Variants in CA10 observed in about 807,000 individuals in gnomAD.
CA10 encodes carbonic anhydrase 10 (inactive), also known as carbonic anhydrase-related protein 10.
In CA10, 14 loss-of-function variants were observed where a neutral mutation model predicts 44.2. That is an observed-to-expected ratio of 0.32 (90% CI 0.21 to 0.50). The LOEUF (loss-of-function observed/expected upper bound fraction) is 0.50. CA10 is among the 20% of genes least tolerant of loss of function. CA10 has a pLI of 0.99. For synonymous variants in CA10, 159 were observed against 141.6 expected (o/e 1.12, Z -0.87); for missense variants, 350 against 409.7 (o/e 0.85, Z 1.26).
At chr17:51,670,271 G>A (rs1914367138) in intron 4 of CA10, among the ~76,000 whole-genome samples, 1 of 152,298 alleles carries the variant, frequency 6.6e-6, no homozygotes, top group Admixed American at 6.5e-5. Flanking sequence ...GGTCCTCAAT[G>A]CCCTACAGAG....
At chr17:51,676,643 T>C (rs1048917768) in intron 4 of CA10, among the ~76,000 whole-genome samples, 3 of 152,192 alleles carry the variant, frequency 2.0e-5, no homozygotes, top group African/African-American at 7.2e-5. Context: ...GGCTGCAAAG[T>C]GAGCGTCAGA....
Position 51,653,728 on chromosome 17 carries a change from G to A in CA10, c.474C>T (p.Leu158=). The part of the protein sequence containing the change: ...NGQAFSGEVQ[L]IHYNHELYTN... ...TATATAGCTCATGGTTATAGTGGATGAGCTGCACCTGGCAGGAGGGAAAAA... is the reference window on the plus strand; with the variant it reads ...TATATAGCTCATGGTTATAGTGGATAAGCTGCACCTGGCAGGAGGGAAAAA... Residue 158 remains leucine, a synonymous_variant, in exon 5 of 9, where the codon CTC becomes CTT. Transcript: ENST00000451037. The A allele has an allele frequency of 6.2e-7, 1 of 1,602,382 alleles. No individual in the cohort carries two copies. Among genetic ancestry groups the A allele is most frequent in the Non-Finnish European group, 8.6e-7 (1 of 1,169,416 alleles).
intron 3 of CA10, among the ~76,000 whole-genome samples, chr17:51,827,107 G>A (rs908615845): frequency 2.0e-5 from 3 of 152,124 alleles, no homozygotes; most frequent in African/African-American, 7.2e-5. Flanking sequence ...ACCTGGCACT[G>A]AACTCAAAGC....
chr17:52,080,353 G>A (rs555717832), intron 1 of CA10, among the ~76,000 whole-genome samples: 106 of 152,054 alleles, frequency 7.0e-4, no homozygotes, highest in African/African-American at 2.1e-3. Flanking sequence ...TCGGGAGGCT[G>A]AGGCAGGAGA....
At chr17:51,640,723 G>A (rs1913045281) in intron 6 of CA10, among the ~76,000 whole-genome samples, 2 of 152,208 alleles carry the variant, frequency 1.3e-5, no homozygotes, top group Non-Finnish European at 2.9e-5. Flanking sequence ...CTAATGTCAA[G>A]GCACACTGGG....
intron 4 of CA10, among the ~76,000 whole-genome samples, chr17:51,667,862 G>T (rs1011638303): frequency 6.6e-6 from 1 of 152,190 alleles, no homozygotes; most frequent in Non-Finnish European, 1.5e-5. Context: ...ACAGCATTTT[G>T]CTGACAGCAC....
chr17:51,650,006 C>T (rs982364601), intron 5 of CA10, among the ~76,000 whole-genome samples: 1 of 151,904 alleles, frequency 6.6e-6, no homozygotes, highest in Non-Finnish European at 1.5e-5. Flanking sequence ...GCCAGCCAGC[C>T]ACCCACCCAA....
intron 2 of CA10, among the ~76,000 whole-genome samples, chr17:51,941,346 G>A (rs551318045): frequency 2.6e-5 from 4 of 152,152 alleles, no homozygotes; most frequent in African/African-American, 7.2e-5. Flanking sequence ...TCTGGTTGAC[G>A]TAGGCATTAA....
intron 2 of CA10, among the ~76,000 whole-genome samples, chr17:51,934,991 C>T (rs1194936711): frequency 6.6e-6 from 1 of 152,014 alleles, no homozygotes; most frequent in Non-Finnish European, 1.5e-5. Flanking sequence ...GTCAGATGGC[C>T]CACTTTACAT....
chr17:52,063,133 T>A (rs1286008309), intron 2 of CA10, among the ~76,000 whole-genome samples: 1 of 152,226 alleles, frequency 6.6e-6, no homozygotes, highest in Non-Finnish European at 1.5e-5. Flanking sequence ...TAGACTTCCA[T>A]GAAGACTGCT....
At chr17:51,633,351 T>C in intron 8 of CA10, 125 bp downstream of exon 8, 2 of 928,806 alleles carry the variant, frequency 2.2e-6, no homozygotes, top group Non-Finnish European at 1.6e-6. Context: ...TGGAGTGTGA[T>C]GGCTATTGTC....
chr17:51,969,448 C>T (rs748501622), intron 2 of CA10, among the ~76,000 whole-genome samples: 1 of 152,080 alleles, frequency 6.6e-6, no homozygotes, highest in Admixed American at 6.6e-5. Context: ...ATTACTACTA[C>T]ACCACACTGA....
At chr17:51,967,886 T>C (rs917243358) in intron 2 of CA10, among the ~76,000 whole-genome samples, 9 of 151,688 alleles carry the variant, frequency 5.9e-5, no homozygotes, top group African/African-American at 1.9e-4. Context: ...AAAAATGGCC[T>C]CCCAATATTT....
At chr17:52,078,258 G>A (rs1235373451) in intron 1 of CA10, among the ~76,000 whole-genome samples, 1 of 152,236 alleles carries the variant, frequency 6.6e-6, no homozygotes, top group Non-Finnish European at 1.5e-5. Context: ...CACAGTTGAG[G>A]TAGGGAAGGA....
chr17:52,039,470 T>C (rs1033950529), intron 2 of CA10, among the ~76,000 whole-genome samples: 3 of 152,032 alleles, frequency 2.0e-5, no homozygotes, highest in East Asian at 1.9e-4. Flanking sequence ...GGAATCTCTA[T>C]CCAAAGCCCA....
At position 51,940,396 on chromosome 17, in the gene CA10, C is replaced by T. The variant is rs533124105; in HGVS notation, c.137-9264G>A. On this transcript the variant is annotated intron_variant, in intron 2 of 8. Transcript: ENST00000451037. ...GTAAACACCCAAGCTCCACGGAAAT[C>T]TGGAGTTAGGACTAGTGATCCTAGG... is the stretch of plus-strand genomic sequence containing the variant. Among the ~76,000 whole-genome samples the T allele has an allele frequency of 2.0e-4, 31 of 152,186 alleles. No homozygotes were observed. In the South Asian group the frequency reaches 5.2e-3, roughly 25 times the overall value.
intron 3 of CA10, among the ~76,000 whole-genome samples, chr17:51,840,761 C>CGA (rs1290075318): frequency 3.3e-5 from 5 of 151,858 alleles, no homozygotes; most frequent in Non-Finnish European, 1.5e-5. Context: ...AGCGGAAGGC[C>CGA]AAGAAGTTTT....
intron 3 of CA10, among the ~76,000 whole-genome samples, chr17:51,793,034 T>C (rs1165500330): frequency 6.6e-6 from 1 of 152,152 alleles, no homozygotes; most frequent in African/African-American, 2.4e-5. Flanking sequence ...ATTTTGATGG[T>C]TGTGGTGAGG....
chr17:51,957,097 T>C (rs1380353812), intron 2 of CA10, among the ~76,000 whole-genome samples: 1 of 152,172 alleles, frequency 6.6e-6, no homozygotes, highest in African/African-American at 2.4e-5. Flanking sequence ...TTTTCCTCAG[T>C]TTTAAAATAT....
Sources: gnomAD v4.1 joint callset for allele counts (sites outside exome capture counted in the v4.1 genomes callset) on GRCh38, gnomAD v4.1.1 for gene constraint, MANE v1.5 for transcripts, NCBI Gene and HGNC (gene_info 2026-07-23, HGNC 2026-07-21) for gene names.